The following NCALD variants were observed in gnomAD, a reference collection of about 807,000 sequenced individuals.
NCALD encodes the protein neurocalcin-delta.
NCALD carries 10 observed loss-of-function variants against 18.6 expected under a neutral mutation model. That is an observed-to-expected ratio of 0.54 (90% CI 0.33 to 0.91). NCALD has a LOEUF of 0.91. Among genes scored for constraint, NCALD ranks in the 40% least tolerant of loss-of-function variants. NCALD has a pLI of 0.03. For synonymous variants in NCALD, 88 were observed against 87.4 expected (o/e 1.01, Z -0.04); for missense variants, 184 against 247.6 (o/e 0.74, Z 1.72).
At chr8:101,918,000 A>G (rs1438292287) in intron 2 of NCALD, among the ~76,000 whole-genome samples, 1 of 152,142 alleles carries the variant, frequency 6.6e-6, no homozygotes, top group East Asian at 1.9e-4. Flanking sequence ...TCACTCTGAT[A>G]CCAAAACCTG....
At chr8:101,954,911 C>T (rs1409969170) in intron 2 of NCALD, among the ~76,000 whole-genome samples, 1 of 152,128 alleles carries the variant, frequency 6.6e-6, no homozygotes, top group East Asian at 1.9e-4. Flanking sequence ...TGATCTATGG[C>T]TTCCCCCAAG....
At chr8:101,780,470 C>T (rs1197561306) in intron 1 of NCALD, among the ~76,000 whole-genome samples, 4 of 152,126 alleles carry the variant, frequency 2.6e-5, no homozygotes, top group African/African-American at 9.7e-5. Flanking sequence ...AGTTGAATAG[C>T]TTATGCAAGA....
chr8:102,071,066 C>T (rs1463145527), intron 1 of NCALD, among the ~76,000 whole-genome samples: 2 of 152,036 alleles, frequency 1.3e-5, no homozygotes, highest in African/African-American at 4.8e-5. Context: ...TTCAGGGATC[C>T]ATCTGCTCTG....
chr8:101,884,502 C>T (rs1313787621), intron 4 of NCALD, among the ~76,000 whole-genome samples: 2 of 152,076 alleles, frequency 1.3e-5, no homozygotes, highest in Non-Finnish European at 1.5e-5. Flanking sequence ...ATATGTAAGT[C>T]CGTGTTATAC....
At chr8:101,904,773 C>T (rs1487179391) in intron 3 of NCALD, among the ~76,000 whole-genome samples, 2 of 152,204 alleles carry the variant, frequency 1.3e-5, no homozygotes, top group Non-Finnish European at 2.9e-5. Flanking sequence ...TGCAAGGTGC[C>T]TACTGATTTC....
intron 1 of NCALD, among the ~76,000 whole-genome samples, chr8:101,775,727 G>T (rs1050570871): frequency 2.0e-5 from 3 of 152,162 alleles, no homozygotes; most frequent in African/African-American, 7.2e-5. Context: ...TATCTTCTCT[G>T]CCTGTGCAAC....
chr8:101,912,240 T>C (rs986927369), intron 3 of NCALD, among the ~76,000 whole-genome samples: 1 of 151,710 alleles, frequency 6.6e-6, no homozygotes, highest in Admixed American at 6.6e-5. Flanking sequence ...GGCAGAATTT[T>C]AAAACACAAG....
chr8:102,101,395 TC>T (rs1157639859), intron 1 of NCALD, among the ~76,000 whole-genome samples: 1 of 152,242 alleles, frequency 6.6e-6, no homozygotes, highest in East Asian at 1.9e-4. Context: ...TCTGCAGGCC[TC>T]TAGTGGACTA....
intron 3 of NCALD, chr8:101,691,570 A>C (rs1016895275): frequency 5.1e-6 from 5 of 985,424 alleles, no homozygotes; most frequent in Non-Finnish European, 6.0e-6. Context: ...TAAAACCTGC[A>C]GTTTAACATC....
intron 1 of NCALD, among the ~76,000 whole-genome samples, chr8:102,032,099 C>T (rs763811413): frequency 4.4e-4 from 67 of 152,132 alleles, no homozygotes; most frequent in Non-Finnish European, 7.4e-4. Flanking sequence ...AGCTGAGCTG[C>T]CCACCATAAA....
At chr8:101,828,837 C>T (rs7827691) in intron 4 of NCALD, among the ~76,000 whole-genome samples, 106,162 of 151,634 alleles carry the variant, frequency 0.7, 37,909 homozygotes, top group Non-Finnish European at 0.77. Flanking sequence ...GGTTTTTCGA[C>T]GGTTTTGTTT....
intron 4 of NCALD, among the ~76,000 whole-genome samples, chr8:101,796,436 T>C (rs1380768486): frequency 6.6e-6 from 1 of 152,184 alleles, no homozygotes; most frequent in South Asian, 2.1e-4. Flanking sequence ...CTCTAATTTG[T>C]ATGTTCAAGA....
upstream of NCALD, among the ~76,000 whole-genome samples, chr8:101,794,805 C>T (rs953218128): frequency 6.6e-6 from 1 of 152,140 alleles, no homozygotes; most frequent in African/African-American, 2.4e-5. Context: ...GGAAGCTTAG[C>T]TCTGTAAAAT....
intron 2 of NCALD, among the ~76,000 whole-genome samples, chr8:101,943,791 A>C (rs1819052142): frequency 6.6e-6 from 1 of 152,198 alleles, no homozygotes; most frequent in Middle Eastern, 3.4e-3. Context: ...ATACAAAAAA[A>C]TTAGCCAGGC....
At chr8:101,746,713 A>T (rs1810439101) in intron 1 of NCALD, among the ~76,000 whole-genome samples, 3 of 151,468 alleles carry the variant, frequency 2.0e-5, no homozygotes, top group Admixed American at 2.0e-4. Context: ...CGTAAATTTT[A>T]TATTAATTAT....
chr8:101,978,249 C>T (rs749831507), intron 2 of NCALD, among the ~76,000 whole-genome samples: 5 of 152,050 alleles, frequency 3.3e-5, no homozygotes, highest in African/African-American at 1.2e-4. Context: ...TAAACAGAAC[C>T]TTTTATCCTT....
intron 2 of NCALD, among the ~76,000 whole-genome samples, chr8:101,709,034 A>C (rs2130282942): frequency 6.6e-6 from 1 of 152,342 alleles, no homozygotes; most frequent in East Asian, 1.9e-4. Flanking sequence ...AATTGGATAA[A>C]ACACACAAAC....
intron 1 of NCALD, among the ~76,000 whole-genome samples, chr8:101,783,424 A>C (rs1346989945): frequency 1.3e-5 from 2 of 152,230 alleles, no homozygotes; most frequent in Non-Finnish European, 2.9e-5. Context: ...GTTAAGAGGC[A>C]TAAGATTTTG....
At chr8:101,781,257 G>T (rs76980406) in intron 1 of NCALD, among the ~76,000 whole-genome samples, 4,193 of 152,142 alleles carry the variant, frequency 0.028, 95 homozygotes, top group Middle Eastern at 0.048. Context: ...TACCAAGGTT[G>T]GTACCACGTT....
Sources: gnomAD v4.1 joint callset for allele counts (sites outside exome capture counted in the v4.1 genomes callset) on GRCh38, gnomAD v4.1.1 for gene constraint, MANE v1.5 for transcripts, NCBI Gene and HGNC (gene_info 2026-07-23, HGNC 2026-07-21) for gene names.